The following CELF2 variants were observed in gnomAD, a reference collection of about 807,000 sequenced individuals.
The protein encoded by CELF2 is CUGBP Elav-like family member 2, also known as CUG triplet repeat RNA-binding protein 2.
In CELF2, 8 loss-of-function variants were observed where a neutral mutation model predicts 62.6. That is an observed-to-expected ratio of 0.13 (90% CI 0.07 to 0.23). The LOEUF (loss-of-function observed/expected upper bound fraction) is 0.23, where lower values mean the gene tolerates loss of function less well. Among genes scored for constraint, CELF2 ranks in the 10% least tolerant of loss-of-function variants. CELF2 has a pLI of 1.00. For synonymous variants in CELF2, 258 were observed against 250.0 expected (o/e 1.03, Z -0.30); for missense variants, 333 against 671.0 (o/e 0.50, Z 5.56).
At chr10:10,485,467 T>C in the CELF2 span, among the ~76,000 whole-genome samples, 119 of 152,340 alleles carry the variant, frequency 7.8e-4, no homozygotes, top group African/African-American at 2.7e-3. Flanking sequence ...GTCTTTTGGT[T>C]ACAAGTGTGA....
At chr10:11,284,866 G>A (rs1207511438) in intron 8 of CELF2, among the ~76,000 whole-genome samples, 2 of 150,250 alleles carry the variant, frequency 1.3e-5, no homozygotes, top group East Asian at 4.0e-4. Context: ...GTGAGTGGAT[G>A]GATGGATAGT....
chr10:10,502,199 G>T, the CELF2 span, among the ~76,000 whole-genome samples: 13 of 144,198 alleles, frequency 9.0e-5, no homozygotes, highest in African/African-American at 2.7e-4. Context: ...GTTTTCCTGA[G>T]GGATATTGAT....
chr10:10,749,316 T>C, the CELF2 span, among the ~76,000 whole-genome samples: 1 of 152,146 alleles, frequency 6.6e-6, no homozygotes, highest in African/African-American at 2.4e-5. Context: ...CATATCACCT[T>C]CTACTCCCTC....
At chr10:10,562,866 C>T in the CELF2 span, among the ~76,000 whole-genome samples, 1 of 151,534 alleles carries the variant, frequency 6.6e-6, no homozygotes, top group Non-Finnish European at 1.5e-5. Context: ...CTTTCTCAGG[C>T]TTGCCATGGG....
the CELF2 span, among the ~76,000 whole-genome samples, chr10:10,785,859 A>G: frequency 6.6e-6 from 1 of 152,202 alleles, no homozygotes; most frequent in Non-Finnish European, 1.5e-5. Flanking sequence ...ACACTTGAAA[A>G]TTGCTGAGAG....
intron 1 of CELF2, among the ~76,000 whole-genome samples, chr10:10,814,828 A>T (rs1282743535): frequency 6.6e-6 from 1 of 152,178 alleles, no homozygotes; most frequent in East Asian, 1.9e-4. Context: ...GGAACAGAAG[A>T]ACTCAGGAAT....
Position 11,244,996 on chromosome 10 carries a change from C to T in CELF2, c.355-4157C>T, listed in dbSNP as rs969175087. Among the ~76,000 whole-genome samples the T allele has an allele frequency of 1.3e-5, 2 of 152,196 alleles. No individual in the cohort carries two copies. Among genetic ancestry groups the T allele is most frequent in the African/African-American group, 4.8e-5 (2 of 41,446 alleles). ...GAAATGCTTGCTGTATCTGTCTCTC[C>T]TACCACACTGCAAGCTCCATCACAA... is the stretch of plus-strand genomic sequence containing the variant. On this transcript the variant is annotated intron_variant, in intron 3 of 12. Coordinates refer to ENST00000633077, the MANE Select transcript of CELF2 (RefSeq NM_001326342.2). This position sits in a 1 kb window ranked among gnomAD's most constrained non-coding sequence, Gnocchi z 4.2.
chr10:10,754,020 C>CATAAAT, the CELF2 span, among the ~76,000 whole-genome samples: 1 of 131,488 alleles, frequency 7.6e-6, no homozygotes, highest in South Asian at 2.6e-4. Context: ...TAAAAGTAAA[C>CATAAAT]ATAAATAAAG....
At chr10:11,093,406 A>T (rs1192273757) in intron 1 of CELF2, among the ~76,000 whole-genome samples, 1 of 152,192 alleles carries the variant, frequency 6.6e-6, no homozygotes, top group African/African-American at 2.4e-5. Flanking sequence ...ACTAATAAAA[A>T]TTTTAATTTA....
intron 5 of CELF2, among the ~76,000 whole-genome samples, chr10:11,261,466 A>C (rs79762406): frequency 6.6e-6 from 1 of 152,062 alleles, no homozygotes; most frequent in East Asian, 1.9e-4. Context: ...CAAGAAAAGA[A>C]AGTATTTTTA....
At chr10:10,690,779 C>G in the CELF2 span, among the ~76,000 whole-genome samples, 1 of 152,112 alleles carries the variant, frequency 6.6e-6, no homozygotes, top group African/African-American at 2.4e-5. Flanking sequence ...ACTCAGGAGG[C>G]TGAGGCATGA....
In CELF2 at chr10:11,157,387, T is replaced by TC. The variant is rs906205498; in HGVS notation, c.75-8093dup. Among the ~76,000 whole-genome samples, 2 of 124,022 alleles carry TC rather than the reference T, an allele frequency of 1.6e-5. No homozygotes were observed. The highest frequency in any genetic ancestry group is 3.4e-5 in the Non-Finnish European group (2 of 59,520). 81.4% of individuals were successfully genotyped at this position (124,022 alleles called of 152,430 possible). On this transcript the variant is annotated intron_variant, in intron 1 of 12. Transcript: ENST00000633077. This position sits in a 1 kb window ranked among gnomAD's most constrained non-coding sequence, Gnocchi z 4.9. Reference sequence around the variant, plus strand: ...TGTCTTTTGACTTTGATATCCGCCCTCCCCCCACACACACACACACAAAAA... The same window carrying TC: ...TGTCTTTTGACTTTGATATCCGCCCTCCCCCCCACACACACACACACAAAAA...
At chr10:10,834,619 G>A (rs139524798) in intron 1 of CELF2, among the ~76,000 whole-genome samples, 49 of 152,236 alleles carry the variant, frequency 3.2e-4, no homozygotes, top group Non-Finnish European at 6.3e-4. Flanking sequence ...CCATTGTTAC[G>A]AGGGATGGCT....
the CELF2 span, among the ~76,000 whole-genome samples, chr10:10,755,319 G>A: frequency 1.3e-5 from 2 of 152,102 alleles, no homozygotes; most frequent in African/African-American, 4.8e-5. Flanking sequence ...TCTTCACAGT[G>A]CATTACAATT....
Position 11,242,587 on chromosome 10 carries a change from C to T in CELF2, c.355-6566C>T, listed in dbSNP as rs1047729440. On this transcript the variant is annotated intron_variant, in intron 3 of 12. Coordinates refer to ENST00000633077, the MANE Select transcript of CELF2 (RefSeq NM_001326342.2). This position sits in a 1 kb window ranked among gnomAD's most constrained non-coding sequence, Gnocchi z 4.8. ...GCTGTTGGCAGAGCTGTGTGCAGCG[C>T]TCTGTGCATGCACTTACCCCTCAGA... Among the ~76,000 whole-genome samples the T allele has an allele frequency of 6.6e-6, 1 of 152,240 alleles. No individual in the cohort carries two copies. The highest frequency in any genetic ancestry group is 1.5e-5 in the Non-Finnish European group (1 of 68,044).
chr10:11,006,920 G>A (rs1201475911), intron 1 of CELF2, among the ~76,000 whole-genome samples: 1 of 152,146 alleles, frequency 6.6e-6, no homozygotes, highest in Non-Finnish European at 1.5e-5. Context: ...TGAAGCTTTC[G>A]ACAGAGAAAA....
At chr10:11,127,372 A>T (rs945844773) in intron 1 of CELF2, among the ~76,000 whole-genome samples, 1 of 152,210 alleles carries the variant, frequency 6.6e-6, no homozygotes, top group Non-Finnish European at 1.5e-5. Context: ...ATGTGTCTTC[A>T]TACTAGCATG....
In CELF2 at chr10:11,324,071, C is replaced by T. The variant is rs1207807717; in HGVS notation, c.1295-1765C>T. On this transcript the variant is annotated intron_variant, in intron 11 of 12. Transcript: ENST00000633077. The surrounding 1 kb of genome is among the most constrained non-coding windows in gnomAD (Gnocchi z 4.7). The stretch of plus-strand genomic sequence containing the variant: ...ATCAGGAGCAAAAGGACAAAACCTA[C>T]TTGTGTGCGTTTACTGGTCTCTCTG... Among the ~76,000 whole-genome samples the T allele has an allele frequency of 6.6e-6, 1 of 152,170 alleles. No individual in the cohort carries two copies. The highest frequency in any genetic ancestry group is 1.9e-4 in the East Asian group (1 of 5,196).
Position 11,062,681 on chromosome 10 carries a change from G to A in CELF2, c.74+44518G>A, listed in dbSNP as rs116253750. On this transcript the variant is annotated intron_variant, in intron 1 of 12. Transcript: ENST00000633077. ...CTTCTTACGGATGAGCAAAGAAATCGGTTTCTGGAGATGGACACCTGGTGA... is the reference window on the plus strand; with the variant it reads ...CTTCTTACGGATGAGCAAAGAAATCAGTTTCTGGAGATGGACACCTGGTGA... Among the ~76,000 whole-genome samples the A allele has an allele frequency of 7.6e-3, 1,155 of 152,268 alleles. 14 individuals are homozygous for A. The highest frequency in any genetic ancestry group is 0.027 in the African/African-American group (1,105 of 41,546).
Sources: allele counts gnomAD v4.1 joint callset (sites outside exome capture counted in the v4.1 genomes callset), GRCh38; gene constraint gnomAD v4.1.1; non-coding constraint Gnocchi (gnomAD v3.1); transcripts MANE v1.5; gene names NCBI Gene and HGNC (gene_info 2026-07-23, HGNC 2026-07-21).